TENM2: variants seen among roughly 807,000 people sequenced by gnomAD.
TENM2 encodes the protein teneurin transmembrane protein 2.
A neutral mutation model predicts 245.2 loss-of-function variants in TENM2; 52 were observed. That is an observed-to-expected ratio of 0.21 (90% confidence interval 0.17 to 0.27). The LOEUF (loss-of-function observed/expected upper bound fraction) is 0.27, where lower values mean the gene tolerates loss of function less well. Among genes scored for constraint, TENM2 ranks in the 10% least tolerant of loss-of-function variants. The pLI, the probability that TENM2 is intolerant of heterozygous loss-of-function variation, is 1.00. For missense variants in TENM2, 3,046 were observed against 3,666.8 expected (o/e 0.83, Z 4.37); for synonymous variants, 1,363 against 1,438.9 (o/e 0.95, Z 1.19).
At chr5:168,013,763 C>CA (rs1785445799) in intron 5 of TENM2, among the ~76,000 whole-genome samples, 1 of 152,180 alleles carries the variant, frequency 6.6e-6, no homozygotes, top group Non-Finnish European at 1.5e-5. Context: ...TATCAAGGGA[C>CA]CACACACTGA....
At position 168,228,435 on chromosome 5, in the gene TENM2, G is replaced by A. The variant is rs528614006; in HGVS notation, c.5520+305G>A. Among the ~76,000 whole-genome samples the A allele has an allele frequency of 3.3e-5, 5 of 152,278 alleles. No homozygotes were observed. The South Asian group carries it at 6.2e-4, about 19-fold the overall frequency. On this transcript the variant is annotated intron_variant, in intron 25 of 28. Transcript: ENST00000518659. ...TTCCTGCTATGGGGATTTACATTAC[G>A]CTGTAACTAGAGACAGCTTTGGTCT...
chr5:167,408,005 A>G (rs572664475), intron 2 of TENM2, among the ~76,000 whole-genome samples: 7 of 152,300 alleles, frequency 4.6e-5, no homozygotes, highest in African/African-American at 1.2e-4. Context: ...AGTTCATACA[A>G]TGAATTCATC....
At chr5:167,324,977 G>C (rs953788193) in intron 1 of TENM2, among the ~76,000 whole-genome samples, 1 of 152,162 alleles carries the variant, frequency 6.6e-6, no homozygotes, top group African/African-American at 2.4e-5. Context: ...AAGTGTGAAC[G>C]TGGCTCTAGC....
chr5:166,988,848 G>A, the TENM2 span, among the ~76,000 whole-genome samples: 3 of 152,080 alleles, frequency 2.0e-5, no homozygotes, highest in East Asian at 1.9e-4. Context: ...TGCTTCTAAC[G>A]GTCCCTGGCT....
At chr5:167,513,271 T>A (rs1466065609) in intron 2 of TENM2, among the ~76,000 whole-genome samples, 1 of 152,194 alleles carries the variant, frequency 6.6e-6, no homozygotes, top group African/African-American at 2.4e-5. Context: ...CTTTAAAATC[T>A]GCTTGCACTT....
At chr5:167,598,740 G>A (rs1776391422) in intron 2 of TENM2, among the ~76,000 whole-genome samples, 1 of 150,878 alleles carries the variant, frequency 6.6e-6, no homozygotes, top group South Asian at 2.1e-4. Flanking sequence ...GATGATCAGA[G>A]TTTGTTTTTG....
At chr5:168,190,976 G>A (rs913073255) in intron 14 of TENM2, 1 of 157,216 alleles carries the variant, frequency 6.4e-6, no homozygotes, top group Non-Finnish European at 1.4e-5. Context: ...ATCATTTGGT[G>A]GCATCTTAGA....
chr5:167,761,431 A>G (rs1293596992), intron 2 of TENM2, among the ~76,000 whole-genome samples: 3 of 152,166 alleles, frequency 2.0e-5, no homozygotes, highest in African/African-American at 4.8e-5. Context: ...AGGCCACTCC[A>G]AGAAATTCTT....
chr5:167,424,002 T>C (rs1315528270), intron 2 of TENM2, among the ~76,000 whole-genome samples: 1 of 152,190 alleles, frequency 6.6e-6, no homozygotes, highest in Non-Finnish European at 1.5e-5. Context: ...TACAAATCCT[T>C]TGTGTGGTTA....
At chr5:167,089,135 A>G in the TENM2 span, among the ~76,000 whole-genome samples, 1 of 152,232 alleles carries the variant, frequency 6.6e-6, no homozygotes, top group African/African-American at 2.4e-5. Context: ...GGAGCTAAGA[A>G]TATGCTTTTG....
intron 2 of TENM2, among the ~76,000 whole-genome samples, chr5:167,543,727 T>G (rs1338249922): frequency 6.6e-6 from 1 of 152,152 alleles, no homozygotes; most frequent in African/African-American, 2.4e-5. Flanking sequence ...TAAGAGAGAA[T>G]TCTTCCTTGC....
intron 2 of TENM2, among the ~76,000 whole-genome samples, chr5:167,704,001 T>A (rs1582797179): frequency 6.6e-6 from 1 of 152,162 alleles, no homozygotes; most frequent in African/African-American, 2.4e-5. Context: ...GGAATCAAGC[T>A]TTTGTCTTAA....
At chr5:167,290,815 A>G (rs1754589475) in intron 1 of TENM2, among the ~76,000 whole-genome samples, 1 of 152,180 alleles carries the variant, frequency 6.6e-6, no homozygotes, top group South Asian at 2.1e-4. Flanking sequence ...AGGTAGTGTC[A>G]TAGGATACAA....
At chr5:167,966,824 T>C (rs1235101219) in intron 4 of TENM2, among the ~76,000 whole-genome samples, 1 of 152,200 alleles carries the variant, frequency 6.6e-6, no homozygotes, top group East Asian at 1.9e-4. Flanking sequence ...GTAGGATTCA[T>C]TCTGGGTGAA....
chr5:167,997,097 A>C (rs2152028037), intron 5 of TENM2, among the ~76,000 whole-genome samples: 1 of 152,288 alleles, frequency 6.6e-6, no homozygotes, highest in South Asian at 2.1e-4. Flanking sequence ...TCGTCAACCA[A>C]CACTCTAGCA....
chr5:167,842,848 GC>G (rs1769674513), intron 2 of TENM2, among the ~76,000 whole-genome samples: 1 of 152,092 alleles, frequency 6.6e-6, no homozygotes, highest in African/African-American at 2.4e-5. Context: ...ATTGGATGAG[GC>G]CAGTGGCGCA....
chr5:167,812,112 A>G (rs1412690840), intron 2 of TENM2, among the ~76,000 whole-genome samples: 1 of 152,174 alleles, frequency 6.6e-6, no homozygotes, highest in East Asian at 1.9e-4. Context: ...ACCTTTCTAA[A>G]TTTAGTAAAC....
chr5:167,242,741 A>C, the TENM2 span, among the ~76,000 whole-genome samples: 7 of 152,216 alleles, frequency 4.6e-5, no homozygotes, highest in African/African-American at 1.7e-4. Flanking sequence ...TGTCTTCATT[A>C]GCTACGTTAC....
In TENM2 at chr5:167,410,063, C is replaced by T. The variant is rs141666838; in HGVS notation, c.502+34590C>T. 6.6e-5 allele frequency among the ~76,000 whole-genome samples: 10 copies of T among 152,066 alleles called. No individual in the cohort carries two copies. The East Asian group carries it at 1.9e-3, about 29-fold the overall frequency. On this transcript the variant is annotated intron_variant, in intron 2 of 28. Transcript: ENST00000518659. ...TTGCTTTAGCATGAATTTCTCTCTA[C>T]CATCAGAAAATAAACTTCTTACCTG...
Sources: gnomAD v4.1 joint callset for allele counts (sites outside exome capture counted in the v4.1 genomes callset) on GRCh38, gnomAD v4.1.1 for gene constraint, MANE v1.5 for transcripts, NCBI Gene and HGNC (gene_info 2026-07-23, HGNC 2026-07-21) for gene names.